Variants in SDK1 observed in about 807,000 individuals in gnomAD.
SDK1 encodes protein sidekick-1.
Under a neutral mutation model 245.5 loss-of-function variants are expected in SDK1, and 157 were observed. The ratio of observed to expected loss-of-function variants is 0.64; its 90% confidence interval spans 0.56 to 0.73. The LOEUF is 0.73. Among genes scored for constraint, SDK1 ranks in the 30% least tolerant of loss-of-function variants. The pLI, the probability that SDK1 is intolerant of heterozygous loss-of-function variation, is 0.00. For missense variants in SDK1, 3,583 were observed against 3,002.3 expected, an observed-to-expected ratio of 1.19 and a Z score of -4.52; for synonymous variants, 1,647 against 1,278.5, an observed-to-expected ratio of 1.29 and a Z score of -6.15.
Position 3,518,172 on chromosome 7 carries a change from T to G in SDK1, c.299-100908T>G, listed in dbSNP as rs913675430. Reference sequence around the variant, plus strand: ...TTGAGTATGAGGCAGGAAAATACATTGTTTAGAGGTGAATAATTTATTTTG... The same window carrying G: ...TTGAGTATGAGGCAGGAAAATACATGGTTTAGAGGTGAATAATTTATTTTG... On this transcript the variant is annotated intron_variant, in intron 1 of 44. Coordinates refer to ENST00000404826, the MANE Select transcript of SDK1 (RefSeq NM_152744.4). Among the ~76,000 whole-genome samples the G allele has an allele frequency of 2.0e-5, 3 of 152,298 alleles. No individual in the cohort carries two copies. The South Asian group carries it at 6.2e-4, about 32-fold the overall frequency.
intron 25 of SDK1, among the ~76,000 whole-genome samples, chr7:4,119,819 A>G (rs1443283995): frequency 1.3e-5 from 2 of 148,862 alleles, no homozygotes; most frequent in African/African-American, 4.9e-5. Flanking sequence ...AGTAAAAATG[A>G]CCAGTTTTAA....
intron 1 of SDK1, among the ~76,000 whole-genome samples, chr7:3,531,163 C>G (rs1783332186): frequency 6.6e-6 from 1 of 152,186 alleles, no homozygotes; most frequent in Admixed American, 6.5e-5. Context: ...ATACCACCCT[C>G]AAACTACATA....
chr7:4,210,127 A>C lies in SDK1; in HGVS notation c.5504A>C (p.Tyr1835Ser). 2.5e-6 allele frequency: 4 copies of C among 1,605,248 alleles called. No individual in the cohort carries two copies. The highest frequency in any genetic ancestry group is 3.4e-6 in the Non-Finnish European group (4 of 1,176,602). The change falls in exon 38 of 45, where the codon TAT becomes TCT. Residue 1835 changes from tyrosine (Y) to serine (S), a missense_variant. Tyr to Ser is a moderately radical substitution (Grantham distance 144, BLOSUM62 -2). Transcript: ENST00000404826. ...PAAANGILQG[Y>S]RVVYEPLAPV... ...GCGGCCAACGGCATCCTGCAGGGCT[A>C]TCGGGTGGTGTACGAGCCCTTGGCC...
chr7:4,137,982 C>A (rs757643492), intron 28 of SDK1, among the ~76,000 whole-genome samples: 1 of 152,204 alleles, frequency 6.6e-6, no homozygotes. Flanking sequence ...TTAAACGTGT[C>A]AAGGTGAGCT....
chr7:3,413,595 A>T (rs755853355), intron 1 of SDK1, among the ~76,000 whole-genome samples: 6 of 152,064 alleles, frequency 3.9e-5, no homozygotes, highest in Admixed American at 6.5e-5. Context: ...GAGGGCTGAG[A>T]CAGGAGGATC....
chr7:4,250,240 C>T (rs1171822330), intron 44 of SDK1, among the ~76,000 whole-genome samples: 1 of 152,222 alleles, frequency 6.6e-6, no homozygotes, highest in Admixed American at 6.5e-5. Context: ...TGTGTTTCAT[C>T]AGTTCTCTTT....
intron 30 of SDK1, among the ~76,000 whole-genome samples, chr7:4,153,402 A>G (rs914408293): frequency 6.6e-6 from 1 of 152,076 alleles, no homozygotes; most frequent in African/African-American, 2.4e-5. Flanking sequence ...CCTGGCCGAT[A>G]TGGTGAAACC....
At chr7:4,148,566 G>C (rs1172864207) in intron 29 of SDK1, among the ~76,000 whole-genome samples, 3 of 152,202 alleles carry the variant, frequency 2.0e-5, no homozygotes, top group Admixed American at 6.5e-5. Flanking sequence ...AGGAAATTCA[G>C]CGTTAAAGGT....
chr7:3,432,063 C>CA (rs1779863355), intron 1 of SDK1, among the ~76,000 whole-genome samples: 1 of 150,314 alleles, frequency 6.7e-6, no homozygotes, highest in African/African-American at 2.4e-5. Context: ...GACAATAACT[C>CA]AGTCAGTCTG....
chr7:4,106,327 G>A (rs1342717528), intron 22 of SDK1, among the ~76,000 whole-genome samples: 4 of 148,398 alleles, frequency 2.7e-5, no homozygotes, highest in Admixed American at 6.7e-5. Context: ...TTTTTGAGAC[G>A]GAGCCTCATT....
At chr7:3,609,433 C>T (rs1285244605) in intron 1 of SDK1, among the ~76,000 whole-genome samples, 1 of 152,144 alleles carries the variant, frequency 6.6e-6, no homozygotes, top group Non-Finnish European at 1.5e-5. Context: ...CAGAGTCTCA[C>T]TCTGTTGCCC....
intron 15 of SDK1, 61 bp from the exon 16 acceptor site, chr7:4,012,034 A>G (rs1025795326): frequency 9.8e-6 from 13 of 1,323,098 alleles, no homozygotes; most frequent in Non-Finnish European, 1.3e-5. Flanking sequence ...ATGAAATGCA[A>G]ATGGGCCCCC....
rs117066656 is a variant in SDK1, at chr7:4,145,332, C to T, written c.4229-390C>T. ...CATGCTGTCTTTTGCAAGAATTAAA[C>T]GACTTCCTAAGAGAGCGACGGGGAG... On this transcript the variant is annotated intron_variant, in intron 28 of 44. Transcript: ENST00000404826. Among the ~76,000 whole-genome samples the T allele has an allele frequency of 8.2e-3, 1,251 of 152,284 alleles. 6 individuals carry two copies. Among genetic ancestry groups the T allele is most frequent in the Non-Finnish European group, 0.015 (1,005 of 68,012 alleles).
At chr7:3,758,608 C>T (rs1331497554) in intron 4 of SDK1, among the ~76,000 whole-genome samples, 4 of 152,174 alleles carry the variant, frequency 2.6e-5, no homozygotes, top group Admixed American at 6.5e-5. Context: ...GTTTGTTTGA[C>T]GTGCTCTTAT....
intron 44 of SDK1, among the ~76,000 whole-genome samples, chr7:4,246,418 C>G (rs1786865677): frequency 6.6e-6 from 1 of 152,134 alleles, no homozygotes; most frequent in South Asian, 2.1e-4. Context: ...CATTCTCTCT[C>G]CATTTCACTT....
chr7:3,830,538 C>T (rs901117627), intron 5 of SDK1, among the ~76,000 whole-genome samples: 2 of 152,108 alleles, frequency 1.3e-5, no homozygotes, highest in Admixed American at 1.3e-4. Context: ...CTCTGTCACC[C>T]AGGCTGGAGT....
chr7:4,115,004 A>G (rs948325756), intron 25 of SDK1, among the ~76,000 whole-genome samples: 3 of 152,172 alleles, frequency 2.0e-5, no homozygotes, highest in African/African-American at 7.2e-5. Context: ...GCCCTGTGCT[A>G]ATGCTGAAAG....
chr7:3,855,379 T>C (rs1780520111), intron 5 of SDK1, among the ~76,000 whole-genome samples: 1 of 151,928 alleles, frequency 6.6e-6, no homozygotes. Flanking sequence ...AAAAGGTACA[T>C]TTACTATTTT....
intron 13 of SDK1, among the ~76,000 whole-genome samples, chr7:3,980,218 T>C (rs968763139): frequency 6.6e-6 from 1 of 152,224 alleles, no homozygotes; most frequent in African/African-American, 2.4e-5. Flanking sequence ...TTTCACCAAT[T>C]GCTTTCTTTC....
Sources: gnomAD v4.1 joint callset for allele counts (sites outside exome capture counted in the v4.1 genomes callset) on GRCh38, gnomAD v4.1.1 for gene constraint, MANE v1.5 for transcripts, NCBI Gene and HGNC (gene_info 2026-07-23, HGNC 2026-07-21) for gene names.